Variants in IL1RAPL2 observed in about 807,000 individuals in gnomAD.
IL1RAPL2 encodes the protein X-linked interleukin-1 receptor accessory protein-like 2.
Under a neutral mutation model 44.1 loss-of-function variants are expected in IL1RAPL2, and 3 were observed. The observed-to-expected ratio is 0.07, with a 90% CI of 0.03 to 0.18. The LOEUF (loss-of-function observed/expected upper bound fraction) is 0.18. Among genes scored for constraint, IL1RAPL2 ranks in the 10% least tolerant of loss-of-function variants. The pLI is 1.00. For missense variants in IL1RAPL2, 391 were observed against 496.4 expected (o/e 0.79, Z 2.02); for synonymous variants, 181 against 178.8 (o/e 1.01, Z -0.10).
At chrX:104,579,556 A>G (rs73243888) in intron 1 of IL1RAPL2, among the ~76,000 whole-genome samples, 9,140 of 111,311 alleles carry the variant, frequency 0.082, 401 homozygotes, top group East Asian at 0.26. Flanking sequence ...CTAAACAACG[A>G]GAACACATGG....
chrX:104,696,259 G>T lies in IL1RAPL2; in HGVS notation c.82+37264G>T, dbSNP rs189881164. Among the ~76,000 whole-genome samples, 115 of 112,043 alleles carry T rather than the reference G, an allele frequency of 1.0e-3. 3 individuals are homozygous for T. The Admixed American group carries it at 0.011, about 11-fold the overall frequency. ...CTATCACCTGTTTTTAAAAGAGAGG[G>T]GTAAAGCAAATTACACAAGGTTAAA... is the stretch of plus-strand genomic sequence containing the variant. On this transcript the variant is annotated intron_variant, in intron 2 of 10. Coordinates refer to ENST00000372582, the MANE Select transcript of IL1RAPL2 (RefSeq NM_017416.2).
intron 2 of IL1RAPL2, among the ~76,000 whole-genome samples, chrX:105,033,692 A>G (rs183758088): frequency 2.4e-3 from 269 of 110,697 alleles, no homozygotes; most frequent in African/African-American, 7.5e-3. Flanking sequence ...GAATCTGACA[A>G]TTATATGTCT....
chrX:105,542,728 T>A (rs1296617144), intron 6 of IL1RAPL2, among the ~76,000 whole-genome samples: 4 of 99,355 alleles, frequency 4.0e-5, no homozygotes, highest in Admixed American at 1.1e-4. Context: ...TATTTATTTA[T>A]TTAATTTATT....
chrX:104,608,806 T>A (rs991800619), intron 1 of IL1RAPL2, among the ~76,000 whole-genome samples: 2 of 110,397 alleles, frequency 1.8e-5, no homozygotes, highest in Non-Finnish European at 3.8e-5. Flanking sequence ...TTTATCCAAT[T>A]TGCCAGTCTG....
chrX:104,956,564 C>T (rs1232238500), intron 2 of IL1RAPL2, among the ~76,000 whole-genome samples: 2 of 106,977 alleles, frequency 1.9e-5, no homozygotes, highest in African/African-American at 3.4e-5. Context: ...CTTGAACCTG[C>T]GAGGTGGAGA....
intron 2 of IL1RAPL2, among the ~76,000 whole-genome samples, chrX:105,001,157 C>G (rs2030844150): frequency 9.0e-6 from 1 of 111,625 alleles, no homozygotes; most frequent in Non-Finnish European, 1.9e-5. Flanking sequence ...CTGACACCCT[C>G]TGGAACTGCC....
At chrX:104,591,528 T>C (rs1928664838) in intron 1 of IL1RAPL2, among the ~76,000 whole-genome samples, 2 of 111,184 alleles carry the variant, frequency 1.8e-5, no homozygotes, top group South Asian at 7.7e-4. Flanking sequence ...GAAGTGACAG[T>C]TTGCAGTCAT....
intron 5 of IL1RAPL2, among the ~76,000 whole-genome samples, chrX:105,336,934 G>A (rs2035032968): frequency 9.0e-6 from 1 of 111,478 alleles, no homozygotes. Flanking sequence ...TATTGAGTCT[G>A]CTTTCATAGC....
At chrX:104,843,526 C>G (rs780824504) in intron 2 of IL1RAPL2, among the ~76,000 whole-genome samples, 46 of 111,142 alleles carry the variant, frequency 4.1e-4, no homozygotes, top group Middle Eastern at 9.2e-3. Context: ...AACCCAGGGC[C>G]CTGGTTGTAT....
intron 2 of IL1RAPL2, among the ~76,000 whole-genome samples, chrX:105,067,252 A>G (rs1313519154): frequency 9.0e-6 from 1 of 110,607 alleles, no homozygotes; most frequent in Non-Finnish European, 1.9e-5. Flanking sequence ...GCGCGCACAT[A>G]CACACATGCA....
chrX:105,144,094 GGTGTGTGTGTGTGTGTGTGTGTGTGTGT>G (rs762069943), intron 2 of IL1RAPL2, among the ~76,000 whole-genome samples: 3 of 79,573 alleles, frequency 3.8e-5, no homozygotes, highest in African/African-American at 1.5e-4. Context: ...TCAACAGATG[GGTGTGTGTGTGTGTGTGTGTGTGTGTGT>G]GTGTGTGTGT....
At chrX:105,080,226 A>T (rs765448717) in intron 2 of IL1RAPL2, among the ~76,000 whole-genome samples, 43 of 111,957 alleles carry the variant, frequency 3.8e-4, no homozygotes, top group African/African-American at 1.4e-3. Flanking sequence ...TAGTTTAAAT[A>T]TATCCCATTT....
chrX:105,170,156 G>C (rs1027848500), intron 2 of IL1RAPL2, among the ~76,000 whole-genome samples: 2 of 110,985 alleles, frequency 1.8e-5, no homozygotes, highest in African/African-American at 6.5e-5. Flanking sequence ...AAGGGAGAGA[G>C]TCTTTGGAAT....
At chrX:104,842,520 C>G (rs749243373) in intron 2 of IL1RAPL2, among the ~76,000 whole-genome samples, 52 of 111,990 alleles carry the variant, frequency 4.6e-4, no homozygotes, top group African/African-American at 1.6e-3. Flanking sequence ...CCCTCATCTT[C>G]GTGGATTTAT....
At chrX:105,254,170 C>T (rs2034296017) in intron 4 of IL1RAPL2, among the ~76,000 whole-genome samples, 1 of 112,016 alleles carries the variant, frequency 8.9e-6, no homozygotes, top group Admixed American at 9.5e-5. Context: ...TTCCCACCAA[C>T]AGTGTATAAG....
At chrX:105,116,589 C>T (rs745417130) in intron 2 of IL1RAPL2, among the ~76,000 whole-genome samples, 13 of 112,013 alleles carry the variant, frequency 1.2e-4, no homozygotes, top group Non-Finnish European at 2.3e-4. Flanking sequence ...CCAAGGCAAG[C>T]ATTCTGGGAA....
intron 2 of IL1RAPL2, among the ~76,000 whole-genome samples, chrX:104,670,023 T>C (rs757902159): frequency 6.3e-5 from 7 of 111,734 alleles, no homozygotes; most frequent in Non-Finnish European, 1.3e-4. Context: ...GTCAGAGTTT[T>C]CCAGAGGGAA....
At chrX:104,931,476 G>C (rs1319723369) in intron 2 of IL1RAPL2, among the ~76,000 whole-genome samples, 1 of 109,953 alleles carries the variant, frequency 9.1e-6, no homozygotes, top group Non-Finnish European at 1.9e-5. Context: ...TTTTTGATTG[G>C]AGAAGGTTAG....
At chrX:105,562,143 T>G (rs954266065) in intron 6 of IL1RAPL2, among the ~76,000 whole-genome samples, 1 of 111,528 alleles carries the variant, frequency 9.0e-6, no homozygotes, top group African/African-American at 3.3e-5. Context: ...ACAGGCAAGA[T>G]TTGAGAGCCA....
Sources: gnomAD v4.1 joint callset for allele counts (sites outside exome capture counted in the v4.1 genomes callset) on GRCh38, gnomAD v4.1.1 for gene constraint, MANE v1.5 for transcripts, NCBI Gene and HGNC (gene_info 2026-07-23, HGNC 2026-07-21) for gene names.